DGKB: variants seen among roughly 807,000 people sequenced by gnomAD.
DGKB encodes the protein 90 kDa diacylglycerol kinase.
DGKB carries 67 observed loss-of-function variants against 114.3 expected under a neutral mutation model. The observed-to-expected ratio is 0.59, with a 90% CI of 0.48 to 0.72. The LOEUF is 0.72. Among genes scored for constraint, DGKB ranks in the 30% least tolerant of loss-of-function variants. The pLI is 0.00. For synonymous variants in DGKB, 398 were observed against 323.1 expected (o/e 1.23, Z -2.49); for missense variants, 907 against 975.2 (o/e 0.93, Z 0.93).
intron 21 of DGKB, among the ~76,000 whole-genome samples, chr7:14,387,627 T>A (rs949849625): frequency 1.3e-5 from 2 of 151,950 alleles, no homozygotes; most frequent in African/African-American, 2.4e-5. Flanking sequence ...ATGTTGCCCA[T>A]CCTGGTCTTG....
chr7:14,663,516 T>C (rs866634080), intron 13 of DGKB, among the ~76,000 whole-genome samples: 59 of 152,108 alleles, frequency 3.9e-4, no homozygotes, highest in South Asian at 1.2e-3. Flanking sequence ...ATGTAAGAAC[T>C]CTGGACTCTA....
At chr7:14,490,109 T>C (rs1030301205) in intron 20 of DGKB, among the ~76,000 whole-genome samples, 1 of 152,110 alleles carries the variant, frequency 6.6e-6, no homozygotes, top group Non-Finnish European at 1.5e-5. Context: ...TTAATTTCCT[T>C]AGTGAGTCAA....
chr7:14,911,800 T>A (rs184572218), intron 1 of DGKB, among the ~76,000 whole-genome samples: 90 of 152,282 alleles, frequency 5.9e-4, no homozygotes, highest in African/African-American at 2.1e-3. Context: ...AGACCAAAGA[T>A]GTGAAAATAA....
At chr7:14,923,665 G>A (rs770904819) in intron 1 of DGKB, among the ~76,000 whole-genome samples, 9 of 151,970 alleles carry the variant, frequency 5.9e-5, no homozygotes, top group African/African-American at 1.9e-4. Context: ...TCTCCATGGA[G>A]CAACCATCAA....
At chr7:14,849,446 T>TCCTTTGCC (rs753509560) in intron 1 of DGKB, among the ~76,000 whole-genome samples, 1 of 152,136 alleles carries the variant, frequency 6.6e-6, no homozygotes, top group Non-Finnish European at 1.5e-5. Context: ...AAGTTCAGCC[T>TCCTTTGCC]CCTTTGCCCC....
intron 23 of DGKB, among the ~76,000 whole-genome samples, chr7:14,331,520 A>C (rs1809712097): frequency 6.6e-6 from 1 of 152,140 alleles, no homozygotes; most frequent in Non-Finnish European, 1.5e-5. Flanking sequence ...AGAAAAATTC[A>C]TAATAGTGGA....
At chr7:14,167,210 C>CAAAAAAAA (rs34278386) in intron 25 of DGKB, among the ~76,000 whole-genome samples, 8 of 99,368 alleles carry the variant, frequency 8.1e-5, no homozygotes, top group Admixed American at 2.4e-4. Flanking sequence ...GACTCCATCT[C>CAAAAAAAA]AAAAAAAAAA....
intron 15 of DGKB, among the ~76,000 whole-genome samples, chr7:14,619,644 A>C (rs553769094): frequency 6.6e-6 from 1 of 151,784 alleles, no homozygotes; most frequent in South Asian, 2.1e-4. Context: ...AATTTTAAGC[A>C]AAGAGACAGG....
intron 17 of DGKB, among the ~76,000 whole-genome samples, chr7:14,592,881 A>G (rs145324097): frequency 6.6e-6 from 1 of 152,046 alleles, no homozygotes. Flanking sequence ...CTTTAGTTCA[A>G]CAATACATTA....
intron 13 of DGKB, among the ~76,000 whole-genome samples, chr7:14,671,473 A>G (rs1818952054): frequency 6.6e-6 from 1 of 152,208 alleles, no homozygotes; most frequent in South Asian, 2.1e-4. Context: ...AACTGTCTAA[A>G]AACAGCAATG....
intron 13 of DGKB, among the ~76,000 whole-genome samples, chr7:14,633,077 A>T (rs1373749911): frequency 6.6e-6 from 1 of 151,852 alleles, no homozygotes; most frequent in Non-Finnish European, 1.5e-5. Flanking sequence ...CCTAGCTACC[A>T]CTTTGCAATT....
intron 16 of DGKB, among the ~76,000 whole-genome samples, chr7:14,612,152 CTCATT>C (rs1449244269): frequency 9.7e-5 from 9 of 92,710 alleles, no homozygotes; most frequent in African/African-American, 2.9e-4. Context: ...AAATCTTATA[CTCATT>C]TTATTTTATT....
chr7:14,628,576 G>A (rs750087636), intron 14 of DGKB, among the ~76,000 whole-genome samples: 2 of 152,060 alleles, frequency 1.3e-5, no homozygotes, highest in South Asian at 2.1e-4. Context: ...TATAGCCAAT[G>A]AATATAAATG....
chr7:14,393,004 T>TTG (rs1821624714), intron 21 of DGKB, among the ~76,000 whole-genome samples: 1 of 120,646 alleles, frequency 8.3e-6, no homozygotes, highest in Non-Finnish European at 1.8e-5. Context: ...TGTTTTTTTT[T>TTG]TTTTGAGACG....
chr7:14,925,954 GA>G (rs1318399677), intron 1 of DGKB, among the ~76,000 whole-genome samples: 1 of 152,010 alleles, frequency 6.6e-6, no homozygotes, highest in Non-Finnish European at 1.5e-5. Flanking sequence ...TGTTGAATAA[GA>G]GTAGAGAGAA....
intron 23 of DGKB, among the ~76,000 whole-genome samples, chr7:14,249,366 C>T (rs1794909536): frequency 1.3e-5 from 2 of 152,036 alleles, no homozygotes; most frequent in South Asian, 2.1e-4. Context: ...CAAAATTAGT[C>T]GGGAGGTATT....
chr7:14,394,827 A>G (rs962474711), intron 21 of DGKB, among the ~76,000 whole-genome samples: 4 of 152,112 alleles, frequency 2.6e-5, no homozygotes, highest in Non-Finnish European at 5.9e-5. Flanking sequence ...CAATTGATGG[A>G]TATCCTGTAA....
intron 20 of DGKB, among the ~76,000 whole-genome samples, chr7:14,546,863 A>G (rs1584728693): frequency 1.3e-5 from 2 of 152,302 alleles, no homozygotes; most frequent in Admixed American, 6.5e-5. Flanking sequence ...TTAAAGTTAC[A>G]TAAGTGGGAT....
chr7:14,469,876 ATG>A lies in DGKB; in HGVS notation c.1835+8283_1835+8284del, dbSNP rs1781020329. 2.0e-5 allele frequency among the ~76,000 whole-genome samples: 3 copies of A among 152,112 alleles called. No individual in the cohort carries two copies. In the South Asian group the frequency reaches 6.2e-4, roughly 31 times the overall value. ...AAATGAAAACTCTTAGCAAATATATATGTATACAAATATATAAATCGATGCAT... is the reference window on the plus strand; with the variant it reads ...AAATGAAAACTCTTAGCAAATATATATATACAAATATATAAATCGATGCAT... On this transcript the variant is annotated intron_variant, in intron 21 of 25. Coordinates refer to ENST00000402815, the MANE Select transcript of DGKB (RefSeq NM_001350709.2).
Sources: allele counts gnomAD v4.1 joint callset (sites outside exome capture counted in the v4.1 genomes callset), GRCh38; gene constraint gnomAD v4.1.1; transcripts MANE v1.5; gene names NCBI Gene and HGNC (gene_info 2026-07-23, HGNC 2026-07-21).